Variants in GRIK4 observed in about 807,000 individuals in gnomAD.
GRIK4 encodes glutamate receptor ionotropic, kainate 4.
Under a neutral mutation model 104.9 loss-of-function variants are expected in GRIK4, and 40 were observed. The observed-to-expected ratio is 0.38, with a 90% CI of 0.30 to 0.50. GRIK4 has a LOEUF of 0.50. Ranked by LOEUF, GRIK4 falls within the 20% of genes least tolerant of loss-of-function variation. The pLI is 0.93. For missense variants in GRIK4, 1,047 were observed against 1,308.1 expected, an observed-to-expected ratio of 0.80 and a Z score of 3.08; for synonymous variants, 485 against 524.9, an observed-to-expected ratio of 0.92 and a Z score of 1.04.
chr11:120,833,342 CT>C (rs2135567447), intron 7 of GRIK4, among the ~76,000 whole-genome samples: 1 of 152,012 alleles, frequency 6.6e-6, no homozygotes, highest in South Asian at 2.1e-4. Context: ...TCTTTTCTTC[CT>C]TTTCCTCTGT....
At chr11:120,623,764 C>G (rs1175544516) in intron 1 of GRIK4, among the ~76,000 whole-genome samples, 1 of 152,138 alleles carries the variant, frequency 6.6e-6, no homozygotes, top group Non-Finnish European at 1.5e-5. Flanking sequence ...GTGAGGTACC[C>G]TCAAAGGCAG....
intron 1 of GRIK4, among the ~76,000 whole-genome samples, chr11:120,630,013 G>C (rs1490281820): frequency 5.3e-5 from 8 of 152,202 alleles, no homozygotes; most frequent in Admixed American, 5.2e-4. Flanking sequence ...ATTTGTGTGT[G>C]GGGGAGAGAG....
chr11:120,550,147 C>T (rs1160447050), intron 1 of GRIK4, among the ~76,000 whole-genome samples: 3 of 151,904 alleles, frequency 2.0e-5, no homozygotes, highest in Admixed American at 6.6e-5. Flanking sequence ...GCTGGTGCAG[C>T]GTCACAGGGG....
At chr11:120,894,006 A>G (rs547288275) in intron 11 of GRIK4, among the ~76,000 whole-genome samples, 2 of 152,272 alleles carry the variant, frequency 1.3e-5, no homozygotes, top group East Asian at 3.9e-4. Context: ...TGTTTTTCAA[A>G]TGTCCATCTC....
intron 1 of GRIK4, among the ~76,000 whole-genome samples, chr11:120,570,064 G>A (rs1382659832): frequency 2.0e-5 from 3 of 152,220 alleles, no homozygotes; most frequent in Admixed American, 6.5e-5. Context: ...GCTGCTCCGG[G>A]AGCCCCTCCT....
At chr11:120,798,599 C>T (rs373718814) in intron 3 of GRIK4, among the ~76,000 whole-genome samples, 12 of 152,268 alleles carry the variant, frequency 7.9e-5, no homozygotes, top group African/African-American at 2.6e-4. Context: ...CGTGCCTCAT[C>T]CTCCCCAGTA....
At chr11:120,667,646 G>C (rs1244359171) in intron 3 of GRIK4, among the ~76,000 whole-genome samples, 1 of 152,258 alleles carries the variant, frequency 6.6e-6, no homozygotes, top group Non-Finnish European at 1.5e-5. Context: ...GCAGACAGCT[G>C]TCAGGCTGTC....
intron 12 of GRIK4, among the ~76,000 whole-genome samples, chr11:120,901,191 G>A (rs574548856): frequency 6.6e-6 from 1 of 152,046 alleles, no homozygotes; most frequent in Non-Finnish European, 1.5e-5. Context: ...CAATCCTTCA[G>A]CCACTGCCCA....
intron 9 of GRIK4, chr11:120,873,104 G>GA (rs1390581698): frequency 1.3e-5 from 2 of 152,262 alleles, no homozygotes; most frequent in Non-Finnish European, 2.9e-5. Flanking sequence ...AGATGAAAAT[G>GA]TGGGCACACA....
chr11:120,528,475 G>T (rs1168916577), intron 1 of GRIK4, among the ~76,000 whole-genome samples: 1 of 152,156 alleles, frequency 6.6e-6, no homozygotes, highest in East Asian at 1.9e-4. Context: ...TTTGACTGGA[G>T]GCTGGCTGAG....
At chr11:120,750,350 CTTTTTTT>C (rs869135246) in intron 3 of GRIK4, among the ~76,000 whole-genome samples, 82 of 76,122 alleles carry the variant, frequency 1.1e-3, no homozygotes, top group South Asian at 3.1e-3. Flanking sequence ...CTAGAAATCT[CTTTTTTT>C]TTTTTTTTTT....
chr11:120,794,564 A>C (rs963061219), intron 3 of GRIK4, among the ~76,000 whole-genome samples: 3 of 151,912 alleles, frequency 2.0e-5, no homozygotes, highest in Admixed American at 2.0e-4. Flanking sequence ...AGAGGAGCTC[A>C]GCACACAGGC....
intron 3 of GRIK4, among the ~76,000 whole-genome samples, chr11:120,759,815 C>T (rs933673948): frequency 9.9e-5 from 15 of 151,902 alleles, no homozygotes; most frequent in African/African-American, 3.4e-4. Context: ...GTTATGACTT[C>T]TTTTTTTCCT....
Position 120,952,652 on chromosome 11 carries a change from T to G in GRIK4, c.1591-203T>G, listed in dbSNP as rs1297869203. ...CCTGCTGCTGTTCTGTGTCACCTGC[T>G]GAGGTCAGGGCTGGGTCGTGTCATT... On this transcript the variant is annotated intron_variant, in intron 14 of 20. Coordinates refer to ENST00000527524, the MANE Select transcript of GRIK4 (RefSeq NM_014619.5). The surrounding 1 kb of genome is among the most constrained non-coding windows in gnomAD (Gnocchi z 5.2). 6.6e-6 allele frequency among the ~76,000 whole-genome samples: 1 copy of G among 152,158 alleles called. No homozygotes were observed. Among genetic ancestry groups the G allele is most frequent in the East Asian group, 1.9e-4 (1 of 5,188 alleles).
intron 13 of GRIK4, among the ~76,000 whole-genome samples, chr11:120,923,715 A>G (rs1943277345): frequency 6.6e-6 from 1 of 152,046 alleles, no homozygotes. Flanking sequence ...GCCCGGCCCC[A>G]TTCGCTCATT....
intron 19 of GRIK4, among the ~76,000 whole-genome samples, chr11:120,979,875 C>G (rs934800163): frequency 1.3e-5 from 2 of 152,182 alleles, no homozygotes; most frequent in East Asian, 1.9e-4. Flanking sequence ...CTCTGTTGCC[C>G]AGGCTGGAGT....
rs142639820 is a variant in GRIK4, at chr11:120,742,371, A to G, written c.83-60322A>G. ...AAAAAAAAAAAAAAAAAAGTGGGCA[A>G]AGGACATGGACACTTCAAAAGAAGA... On this transcript the variant is annotated intron_variant, in intron 3 of 20. Transcript: ENST00000527524. 1.6e-3 allele frequency among the ~76,000 whole-genome samples: 248 copies of G among 151,920 alleles called. 1 individual carries two copies. The highest frequency in any genetic ancestry group is 5.6e-3 in the African/African-American group (232 of 41,474).
rs190242176 is a variant in GRIK4 at position 120,530,055 on chromosome 11, A to G, written c.-159+18168A>G. Among the ~76,000 whole-genome samples, 212 of 152,260 alleles carry G rather than the reference A, an allele frequency of 1.4e-3. 2 individuals carry two copies. The highest frequency in any genetic ancestry group is 0.01 in the Middle Eastern group (3 of 294). On this transcript the variant is annotated intron_variant, in intron 1 of 20. Coordinates refer to ENST00000527524, the MANE Select transcript of GRIK4 (RefSeq NM_014619.5). ...TAAGGGTGCCCCAAGTGTGAGTCCT[A>G]TGAGGCCCCATGTTCTTGCTTAATG...
intron 3 of GRIK4, among the ~76,000 whole-genome samples, chr11:120,721,965 C>T (rs1263411959): frequency 6.6e-6 from 1 of 152,204 alleles, no homozygotes; most frequent in Non-Finnish European, 1.5e-5. Flanking sequence ...ACTCACTTCT[C>T]ATGGTGTCTT....
Sources: allele counts gnomAD v4.1 joint callset (sites outside exome capture counted in the v4.1 genomes callset), GRCh38; gene constraint gnomAD v4.1.1; non-coding constraint Gnocchi (gnomAD v3.1); transcripts MANE v1.5; gene names NCBI Gene and HGNC (gene_info 2026-07-23, HGNC 2026-07-21).